The following LRRC49 variants were observed in gnomAD, a reference collection of about 807,000 sequenced individuals.
The protein encoded by LRRC49 is leucine rich repeat containing 49.
Under a neutral mutation model 83.3 loss-of-function variants are expected in LRRC49, and 50 were observed. The ratio of observed to expected loss-of-function variants is 0.60; its 90% CI spans 0.48 to 0.76. LRRC49 has a LOEUF of 0.76. Among genes scored for constraint, LRRC49 ranks in the 30% least tolerant of loss-of-function variants. The pLI is 0.00. For synonymous variants in LRRC49, 286 were observed against 283.3 expected, an observed-to-expected ratio of 1.01 and a Z score of -0.10; for missense variants, 704 against 809.1, an observed-to-expected ratio of 0.87 and a Z score of 1.58.
At chr15:70,892,189 G>A, upstream of LRRC49, 1 of 1,609,022 alleles carries the variant, frequency 6.2e-7, no homozygotes, top group Non-Finnish European at 8.5e-7. Context: ...GCAGCCGCAC[G>A]GCCCGGTCCT....
chr15:71,007,047 CT>C (rs2038482998), intron 11 of LRRC49, among the ~76,000 whole-genome samples: 1 of 151,926 alleles, frequency 6.6e-6, no homozygotes, highest in Non-Finnish European at 1.5e-5. Flanking sequence ...GTCTTAAGTG[CT>C]AGTCTGGTAG....
chr15:70,864,788 G>A (rs1008519505), intron 1 of LRRC49, among the ~76,000 whole-genome samples: 5 of 152,134 alleles, frequency 3.3e-5, no homozygotes, highest in Non-Finnish European at 7.4e-5. Context: ...GATGGAAATG[G>A]AATCTCAGTT....
chr15:70,941,205 A>G (rs2035801815), intron 8 of LRRC49, among the ~76,000 whole-genome samples: 3 of 152,334 alleles, frequency 2.0e-5, no homozygotes, highest in South Asian at 2.1e-4. Context: ...CTTCAGAAAA[A>G]TAGACTTTGA....
chr15:70,869,293 G>A (rs1425545373), intron 1 of LRRC49, among the ~76,000 whole-genome samples: 1 of 152,144 alleles, frequency 6.6e-6, no homozygotes, highest in East Asian at 1.9e-4. Context: ...TATTATATTT[G>A]TTCTATAGAT....
chr15:70,933,112 A>G (rs1300327054), intron 7 of LRRC49, among the ~76,000 whole-genome samples: 2 of 152,178 alleles, frequency 1.3e-5, no homozygotes, highest in Non-Finnish European at 2.9e-5. Context: ...AAAACAAATC[A>G]GTATTTTTTT....
At chr15:70,968,640 A>C (rs1377539835) in intron 9 of LRRC49, among the ~76,000 whole-genome samples, 2 of 152,160 alleles carry the variant, frequency 1.3e-5, no homozygotes, top group East Asian at 1.9e-4. Context: ...TCTCTCCGGC[A>C]TCTGTTGTTT....
intron 9 of LRRC49, among the ~76,000 whole-genome samples, chr15:70,974,372 G>A (rs2037129743): frequency 6.6e-6 from 1 of 152,184 alleles, no homozygotes; most frequent in Non-Finnish European, 1.5e-5. Context: ...TGGTTATGTA[G>A]ATTTTTGATT....
chr15:70,906,190 G>A (rs2034305659), intron 5 of LRRC49, among the ~76,000 whole-genome samples: 1 of 149,670 alleles, frequency 6.7e-6, no homozygotes, highest in Non-Finnish European at 1.5e-5. Flanking sequence ...TCTGCCTCCC[G>A]GGTTCAAGTG....
upstream of LRRC49, among the ~76,000 whole-genome samples, chr15:70,887,503 T>C (rs1312439399): frequency 6.6e-6 from 1 of 152,184 alleles, no homozygotes; most frequent in African/African-American, 2.4e-5. Flanking sequence ...TATATTAACA[T>C]AATAAAAATG....
At chr15:70,938,983 A>G (rs2035703985) in intron 8 of LRRC49, among the ~76,000 whole-genome samples, 1 of 152,222 alleles carries the variant, frequency 6.6e-6, no homozygotes, top group Non-Finnish European at 1.5e-5. Context: ...ACACTGTTGC[A>G]TAAAAATTTT....
At chr15:70,996,553 T>C (rs1596118165) in intron 11 of LRRC49, among the ~76,000 whole-genome samples, 1 of 152,176 alleles carries the variant, frequency 6.6e-6, no homozygotes, top group East Asian at 1.9e-4. Flanking sequence ...TCTTTAAATG[T>C]ATATTATGCA....
At chr15:71,036,028 C>T (rs909458459) in intron 14 of LRRC49, among the ~76,000 whole-genome samples, 3 of 152,098 alleles carry the variant, frequency 2.0e-5, no homozygotes, top group Admixed American at 6.6e-5. Flanking sequence ...TTTTAATGAT[C>T]GCCATCCTAA....
At chr15:70,977,053 T>A (rs1028117152) in intron 9 of LRRC49, among the ~76,000 whole-genome samples, 1 of 152,216 alleles carries the variant, frequency 6.6e-6, no homozygotes, top group Non-Finnish European at 1.5e-5. Context: ...GTATGTGTAG[T>A]ACGTGATCCA....
chr15:70,977,835 TA>T (rs921710117), intron 9 of LRRC49, among the ~76,000 whole-genome samples: 52 of 151,868 alleles, frequency 3.4e-4, no homozygotes, highest in East Asian at 9.7e-4. Flanking sequence ...ATCTTTATTA[TA>T]AAAAAAATAT....
At chr15:71,040,239 G>C (rs79079899) in intron 15 of LRRC49, among the ~76,000 whole-genome samples, 209 of 152,254 alleles carry the variant, frequency 1.4e-3, no homozygotes, top group African/African-American at 4.9e-3. Context: ...AATGGAAATT[G>C]CATAGTGTTA....
chr15:70,977,513 C>T (rs1263719818), intron 9 of LRRC49, among the ~76,000 whole-genome samples: 1 of 152,062 alleles, frequency 6.6e-6, no homozygotes, highest in Non-Finnish European at 1.5e-5. Context: ...GGCATGGTGG[C>T]ACATGCCTGT....
chr15:70,995,778 G>A (rs113555541), intron 11 of LRRC49, among the ~76,000 whole-genome samples: 43 of 152,278 alleles, frequency 2.8e-4, no homozygotes, highest in African/African-American at 9.6e-4. Context: ...AAATCATAGC[G>A]TCTTTATGGT....
intron 8 of LRRC49, among the ~76,000 whole-genome samples, chr15:70,962,910 A>G (rs1370228709): frequency 6.6e-6 from 1 of 152,066 alleles, no homozygotes; most frequent in Non-Finnish European, 1.5e-5. Flanking sequence ...TGAAGAACAT[A>G]ACCTCAGCCT....
intron 6 of LRRC49, 116 bp from the exon 7 acceptor site, chr15:70,918,934 C>A: frequency 1.4e-6 from 1 of 725,292 alleles, no homozygotes; most frequent in Non-Finnish European, 2.2e-6. Flanking sequence ...TAAATGTCTA[C>A]ATATAAACTT....
Sources: gnomAD v4.1 joint callset for allele counts (sites outside exome capture counted in the v4.1 genomes callset) on GRCh38, gnomAD v4.1.1 for gene constraint, MANE v1.5 for transcripts, NCBI Gene and HGNC (gene_info 2026-07-23, HGNC 2026-07-21) for gene names.